Variants in ZMYND11 observed in about 807,000 individuals in gnomAD.
The protein encoded by ZMYND11 is zinc finger MYND domain-containing protein 11.
Under a neutral mutation model 84.9 loss-of-function variants are expected in ZMYND11, and 9 were observed. That is an observed-to-expected ratio of 0.11 (90% CI 0.06 to 0.18). The LOEUF is 0.18. Among genes scored for constraint, ZMYND11 ranks in the 10% least tolerant of loss-of-function variants. The pLI is 1.00. For synonymous variants in ZMYND11, 250 were observed against 244.1 expected (o/e 1.02, Z -0.23); for missense variants, 409 against 761.0 (o/e 0.54, Z 5.44).
At chr10:153,985 G>A (rs577578765) in intron 1 of ZMYND11, among the ~76,000 whole-genome samples, 11 of 152,282 alleles carry the variant, frequency 7.2e-5, no homozygotes, top group South Asian at 4.1e-4. Context: ...AGGGTTTAAC[G>A]TTTTCCTGAC....
intron 2 of ZMYND11, among the ~76,000 whole-genome samples, chr10:191,576 C>A (rs1006215350): frequency 5.3e-5 from 8 of 152,148 alleles, no homozygotes; most frequent in African/African-American, 1.9e-4. Context: ...GATGAAGGAG[C>A]CCTAACAATG....
At chr10:206,641 A>T (rs1346686624) in intron 2 of ZMYND11, among the ~76,000 whole-genome samples, 4 of 151,778 alleles carry the variant, frequency 2.6e-5, no homozygotes, top group Non-Finnish European at 5.9e-5. Flanking sequence ...GCTTTTTCCC[A>T]TTTGTTTTCA....
chr10:248,797 G>C, intron 13 of ZMYND11, 106 bp from the exon 14 acceptor site: 1 of 1,443,994 alleles, frequency 6.9e-7, no homozygotes, highest in Non-Finnish European at 9.3e-7. Flanking sequence ...ATGTAATGAA[G>C]GGGAAAAAAG....
intron 2 of ZMYND11, among the ~76,000 whole-genome samples, chr10:188,730 T>C (rs1939482683): frequency 6.6e-6 from 1 of 152,192 alleles, no homozygotes; most frequent in African/African-American, 2.4e-5. Context: ...TCCAAACAAA[T>C]TAGTCACATC....
At chr10:191,377 A>G (rs1940345162) in intron 2 of ZMYND11, among the ~76,000 whole-genome samples, 1 of 152,184 alleles carries the variant, frequency 6.6e-6, no homozygotes, top group Non-Finnish European at 1.5e-5. Context: ...TCAAAACATG[A>G]TCATCTGCAT....
chr10:133,539 A>C (rs572497888), upstream of ZMYND11, among the ~76,000 whole-genome samples: 1 of 152,332 alleles, frequency 6.6e-6, no homozygotes, highest in South Asian at 2.1e-4. Context: ...AAAAATGTGG[A>C]GTTATGCTGC....
intron 2 of ZMYND11, among the ~76,000 whole-genome samples, chr10:207,186 G>A (rs1944349763): frequency 1.3e-5 from 2 of 152,166 alleles, no homozygotes; most frequent in South Asian, 4.1e-4. Flanking sequence ...TTTTATGGCT[G>A]CATAGTATTC....
chr10:241,986 AAGTAAT>A (rs753326317), intron 9 of ZMYND11, 29 bp from the exon 10 acceptor site: 1 of 1,607,258 alleles, frequency 6.2e-7, no homozygotes, highest in Non-Finnish European at 8.5e-7. Context: ...AATACTTTAA[AAGTAAT>A]ATAACAAGGT....
At chr10:178,310 G>A (rs1216584260) in intron 1 of ZMYND11, among the ~76,000 whole-genome samples, 1 of 152,160 alleles carries the variant, frequency 6.6e-6, no homozygotes, top group Non-Finnish European at 1.5e-5. Flanking sequence ...CTTAGATAAA[G>A]TGGACACCTG....
In ZMYND11 at chr10:252,889, G is replaced by C. The variant is rs1953780546; in HGVS notation, c.*419G>C. 6.3e-6 allele frequency: 1 copy of C among 159,142 alleles called. No homozygotes were observed. 9.9% of individuals were successfully genotyped at this position (159,142 alleles called of 1,614,324 possible). A position where few individuals can be genotyped will look rare whatever the true frequency, so the allele number is the denominator to read the frequency against. ...GAAATAAAACATACTACCTTGATGT[G>C]ACATTTTTTTCTTAACCTTGTTGAG... On this transcript the variant is annotated 3_prime_UTR_variant, in exon 15 of 15. Transcript: ENST00000381604. This position sits in a 1 kb window ranked among gnomAD's most constrained non-coding sequence, Gnocchi z 4.6.
chr10:243,794 G>A (rs1230818587), intron 10 of ZMYND11, among the ~76,000 whole-genome samples: 1 of 152,156 alleles, frequency 6.6e-6, no homozygotes, highest in East Asian at 1.9e-4. Context: ...GAACCCGGGA[G>A]GTAGAGCTTG....
intron 9 of ZMYND11, among the ~76,000 whole-genome samples, chr10:241,359 G>A (rs565812571): frequency 6.6e-6 from 1 of 152,132 alleles, no homozygotes; most frequent in Non-Finnish European, 1.5e-5. Flanking sequence ...TGTATTTTTT[G>A]TAGAGATGGG....
chr10:172,126 A>C (rs1301125683), intron 1 of ZMYND11, among the ~76,000 whole-genome samples: 10 of 152,152 alleles, frequency 6.6e-5, no homozygotes, highest in African/African-American at 2.2e-4. Flanking sequence ...AATCCCATTC[A>C]TGAGGGCAGA....
intron 1 of ZMYND11, among the ~76,000 whole-genome samples, chr10:161,682 C>T (rs1842966453): frequency 6.6e-6 from 1 of 152,200 alleles, no homozygotes; most frequent in Non-Finnish European, 1.5e-5. Flanking sequence ...CTTTTTTCCT[C>T]ATGAATAACC....
intron 3 of ZMYND11, among the ~76,000 whole-genome samples, chr10:210,430 A>C (rs193058344): frequency 6.6e-6 from 1 of 152,334 alleles, no homozygotes; most frequent in Admixed American, 6.5e-5. Flanking sequence ...TTCCTAGGGA[A>C]ACAGCCTCAG....
chr10:208,750 C>T (rs989813658), intron 2 of ZMYND11, among the ~76,000 whole-genome samples: 1 of 152,140 alleles, frequency 6.6e-6, no homozygotes, highest in African/African-American at 2.4e-5. Flanking sequence ...TTAGCCCTGA[C>T]AGTGGCAACA....
At position 135,932 on chromosome 10, in the gene ZMYND11, T is replaced by G. The variant is rs1554751936; in HGVS notation, c.-20+373T>G. Among the ~76,000 whole-genome samples, 1 of 151,230 alleles carries G rather than the reference T, an allele frequency of 6.6e-6. No individual in the cohort carries two copies. The highest frequency in any genetic ancestry group is 6.6e-5 in the Admixed American group (1 of 15,204). On this transcript the variant is annotated intron_variant, in intron 1 of 14. Transcript: ENST00000381604. This position sits in a 1 kb window ranked among gnomAD's most constrained non-coding sequence, Gnocchi z 5.6. ...CGCCCGCCGGGCCCTGTGCCCCGCT[T>G]TCGGTCAGGCCTCCTGGGCCCGTGC... is the stretch of plus-strand genomic sequence containing the variant.
chr10:213,190 T>C (rs1170912488), intron 3 of ZMYND11, among the ~76,000 whole-genome samples: 3 of 152,184 alleles, frequency 2.0e-5, no homozygotes, highest in Non-Finnish European at 4.4e-5. Flanking sequence ...ACAGACATTG[T>C]ATATTTGCCT....
At chr10:158,984 G>GGTT (rs1554760453) in intron 1 of ZMYND11, among the ~76,000 whole-genome samples, 3 of 40,024 alleles carry the variant, frequency 7.5e-5, no homozygotes, top group African/African-American at 2.3e-4. Context: ...AGGGTTTTTT[G>GGTT]TTTTTTGTTT....
Sources: gnomAD v4.1 joint callset for allele counts (sites outside exome capture counted in the v4.1 genomes callset) on GRCh38, gnomAD v4.1.1 for gene constraint, Gnocchi (gnomAD v3.1) non-coding constraint, MANE v1.5 for transcripts, NCBI Gene and HGNC (gene_info 2026-07-23, HGNC 2026-07-21) for gene names.